The following KATNA1 variants were observed in gnomAD, a reference collection of about 807,000 sequenced individuals.
The protein encoded by KATNA1 is katanin catalytic subunit A1.
A neutral mutation model predicts 62.6 loss-of-function variants in KATNA1; 42 were observed. The ratio of observed to expected loss-of-function variants is 0.67; its 90% CI spans 0.52 to 0.87. The LOEUF (loss-of-function observed/expected upper bound fraction) is 0.87, where lower values mean the gene tolerates loss of function less well. Ranked by LOEUF, KATNA1 falls within the 40% of genes least tolerant of loss-of-function variation. The pLI is 0.00. For synonymous variants in KATNA1, 186 were observed against 201.9 expected (o/e 0.92, Z 0.67); for missense variants, 498 against 612.5 (o/e 0.81, Z 1.97).
chr6:149,611,760 G>T (rs1210745315), intron 4 of KATNA1, among the ~76,000 whole-genome samples: 1 of 152,118 alleles, frequency 6.6e-6, no homozygotes, highest in Admixed American at 6.6e-5. Context: ...AGCACTTTGG[G>T]AGGTCAAGGT....
intron 2 of KATNA1, among the ~76,000 whole-genome samples, chr6:149,636,081 A>AAAAAAT (rs1383823320): frequency 6.6e-6 from 1 of 152,056 alleles, no homozygotes; most frequent in Non-Finnish European, 1.5e-5. Context: ...AGAAAATGGT[A>AAAAAAT]AAAAATAAAA....
intron 10 of KATNA1, among the ~76,000 whole-genome samples, chr6:149,596,483 C>T (rs557881569): frequency 5.9e-5 from 9 of 152,256 alleles, no homozygotes; most frequent in African/African-American, 1.9e-4. Context: ...TGCAGTGAGC[C>T]GAGATCGGAC....
chr6:149,597,329 T>C (rs2115073846), intron 9 of KATNA1, 140 bp from the exon 10 acceptor site: 1 of 1,219,590 alleles, frequency 8.2e-7, no homozygotes, highest in Non-Finnish European at 1.1e-6. Flanking sequence ...AAAGAGCCAT[T>C]CTTTACTTTT....
At chr6:149,611,502 A>G (rs1562285795) in intron 4 of KATNA1, among the ~76,000 whole-genome samples, 1 of 151,420 alleles carries the variant, frequency 6.6e-6, no homozygotes, top group Non-Finnish European at 1.5e-5. Flanking sequence ...AAGAAAAAAA[A>G]AGATATTGAT....
At chr6:149,634,361 G>T (rs1246425779) in intron 2 of KATNA1, among the ~76,000 whole-genome samples, 1 of 150,292 alleles carries the variant, frequency 6.7e-6, no homozygotes, top group Non-Finnish European at 1.5e-5. Flanking sequence ...TAACTTTAAA[G>T]TTCTACAAGA....
At chr6:149,619,223 GA>G (rs201158894) in intron 4 of KATNA1, among the ~76,000 whole-genome samples, 2 of 151,168 alleles carry the variant, frequency 1.3e-5, no homozygotes, top group South Asian at 4.2e-4. Flanking sequence ...AGAGGCATAT[GA>G]AAAAAAAATC....
chr6:149,609,530 C>T (rs1374611065), intron 4 of KATNA1, among the ~76,000 whole-genome samples: 1 of 151,910 alleles, frequency 6.6e-6, no homozygotes, highest in Non-Finnish European at 1.5e-5. Context: ...CTCGGCCAGG[C>T]ATGGTGGCTC....
chr6:149,610,415 G>C (rs1005140671), intron 4 of KATNA1, among the ~76,000 whole-genome samples: 7 of 151,836 alleles, frequency 4.6e-5, no homozygotes, highest in Non-Finnish European at 8.8e-5. Context: ...CTCTTTTCAA[G>C]TGTTCACAGA....
intron 1 of KATNA1, among the ~76,000 whole-genome samples, chr6:149,640,829 G>A (rs1454387078): frequency 6.6e-6 from 1 of 151,892 alleles, no homozygotes; most frequent in Non-Finnish European, 1.5e-5. Flanking sequence ...TTACAGGCGT[G>A]AGCCACCATG....
At chr6:149,648,839 G>A (rs1780587206), upstream of KATNA1, 2 of 152,330 alleles carry the variant, frequency 1.3e-5, no homozygotes, top group African/African-American at 4.8e-5. Flanking sequence ...ACGCAGCGGA[G>A]ACCAGGGATA....
intron 3 of KATNA1, among the ~76,000 whole-genome samples, chr6:149,628,007 G>A (rs142089202): frequency 2.0e-4 from 31 of 151,924 alleles, no homozygotes; most frequent in African/African-American, 7.5e-4. Flanking sequence ...GATATTTGAG[G>A]GACATCAGCT....
At chr6:149,647,353 C>T (rs1780526555) in intron 1 of KATNA1, among the ~76,000 whole-genome samples, 2 of 151,736 alleles carry the variant, frequency 1.3e-5, no homozygotes. Context: ...GAAACCCCAT[C>T]TCTACTAAAA....
At chr6:149,613,629 C>T (rs771423500) in intron 4 of KATNA1, among the ~76,000 whole-genome samples, 1 of 152,150 alleles carries the variant, frequency 6.6e-6, no homozygotes, top group Non-Finnish European at 1.5e-5. Flanking sequence ...AAAAACTGCA[C>T]CTGCAGAATC....
rs573510180 is a variant in KATNA1, at chr6:149,623,871, T to A, written c.321-588A>T. On this transcript the variant is annotated intron_variant, in intron 3 of 10. Transcript: ENST00000367411. ...CACCTCTACTTAGAAAGGAAATTGT[T>A]GTATATCAAAGATGAATGCATCTGA... is the stretch of plus-strand genomic sequence containing the variant. Among the ~76,000 whole-genome samples, 3 of 152,318 alleles carry A rather than the reference T, an allele frequency of 2.0e-5. No individual in the cohort carries two copies. In the South Asian group the frequency reaches 6.2e-4, roughly 32 times the overall value.
In KATNA1 at chr6:149,632,889, T is replaced by C; in HGVS notation, c.190A>G (p.Lys64Glu). The change falls in exon 3 of 11, where the codon AAA becomes GAA. Residue 64 changes from lysine to glutamate, a missense_variant. Transcript: ENST00000367411. ...GTTTTCATGATATCTTTAACATGTTTAGCTTCCACATTTATTTCCTGCCAA... is the reference window on the plus strand; with the variant it reads ...GTTTTCATGATATCTTTAACATGTTCAGCTTCCACATTTATTTCCTGCCAA... ...QVWQEINVEA[K>E]HVKDIMKTLE... The C allele has an allele frequency of 1.2e-6, 2 of 1,608,196 alleles. No individual in the cohort carries two copies. Among genetic ancestry groups the C allele is most frequent in the Non-Finnish European group, 8.5e-7 (1 of 1,178,660 alleles).
chr6:149,613,146 C>T (rs1416420269), intron 4 of KATNA1, among the ~76,000 whole-genome samples: 1 of 119,866 alleles, frequency 8.3e-6, no homozygotes, highest in Non-Finnish European at 1.6e-5. Context: ...CGCCACTGCA[C>T]TCCAGCCTGG....
At chr6:149,642,966 T>C (rs1160188269) in intron 1 of KATNA1, among the ~76,000 whole-genome samples, 1 of 152,234 alleles carries the variant, frequency 6.6e-6, no homozygotes, top group African/African-American at 2.4e-5. Context: ...TACCCTTATA[T>C]AATTACTACC....
Position 149,595,177 on chromosome 6 carries a change from G to C in KATNA1, c.1335C>G (p.Ile445Met). ...GCATTTCTTCTTTGGAAAGATTTCGGATTTCCTCTGGAGTCAAACCTTCAA... is the reference window on the plus strand; with the variant it reads ...GCATTTCTTCTTTGGAAAGATTTCGCATTTCCTCTGGAGTCAAACCTTCAA... ...RRIEGLTPEE[I>M]RNLSKEEMHM... Residue 445 changes from isoleucine to methionine, a missense_variant, in exon 11 of 11, where the codon ATC becomes ATG. Ile to Met is a conservative substitution (Grantham distance 10). Transcript: ENST00000367411. The C allele has an allele frequency of 6.2e-7, 1 of 1,614,006 alleles. No individual in the cohort carries two copies. The highest frequency in any genetic ancestry group is 8.5e-7 in the Non-Finnish European group (1 of 1,179,968).
Position 149,603,263 on chromosome 6 carries a change from CT to C in KATNA1, c.729+4del. 7.3e-7 allele frequency: 1 copy of C among 1,363,252 alleles called. No individual in the cohort carries two copies. The highest frequency in any genetic ancestry group is 1.0e-6 in the Non-Finnish European group (1 of 970,268). The allele number at this position is 1,363,252 out of a possible 1,614,324, so 84.4% of individuals were successfully genotyped here. On this transcript the variant is annotated splice_donor_region_variant and intron_variant, in intron 6 of 10. Coordinates refer to ENST00000367411, the MANE Select transcript of KATNA1 (RefSeq NM_007044.4). ...TTGACAATGCCATCACAGTAATAAA[CT>C]TACTTTCCATGGTCTCCTAATGCCC...
Sources: allele counts gnomAD v4.1 joint callset (sites outside exome capture counted in the v4.1 genomes callset), GRCh38; gene constraint gnomAD v4.1.1; transcripts MANE v1.5; gene names NCBI Gene and HGNC (gene_info 2026-07-23, HGNC 2026-07-21).